Variants in SLC25A43 observed in about 807,000 individuals in gnomAD.
SLC25A43 encodes the protein solute carrier family 25, member 43.
In SLC25A43, 10 loss-of-function variants were observed where a neutral mutation model predicts 22.8. The observed-to-expected ratio is 0.44, with a 90% CI of 0.27 to 0.74. The LOEUF is 0.74. Ranked by LOEUF, SLC25A43 falls within the 30% of genes least tolerant of loss-of-function variation. The pLI is 0.17. For missense variants in SLC25A43, 233 were observed against 279.1 expected, an observed-to-expected ratio of 0.83 and a Z score of 1.18; for synonymous variants, 106 against 121.6, an observed-to-expected ratio of 0.87 and a Z score of 0.84.
chrX:119,417,839 T>C (rs1434135926), intron 3 of SLC25A43, among the ~76,000 whole-genome samples: 1 of 111,342 alleles, frequency 9.0e-6, no homozygotes, highest in Non-Finnish European at 1.9e-5. Flanking sequence ...CATGTAATTA[T>C]GAATAACAAT....
intron 3 of SLC25A43, among the ~76,000 whole-genome samples, chrX:119,427,367 T>G (rs1053455158): frequency 1.8e-5 from 2 of 112,090 alleles, no homozygotes; most frequent in Admixed American, 1.9e-4. Flanking sequence ...GAGCAGCTAG[T>G]CAACCCTCTA....
intron 3 of SLC25A43, among the ~76,000 whole-genome samples, chrX:119,416,126 A>G (rs760089229): frequency 3.7e-5 from 4 of 109,062 alleles, no homozygotes; most frequent in African/African-American, 1.3e-4. Context: ...TCTTTTCTCC[A>G]CTACTTTGTG....
intron 4 of SLC25A43, 121 bp downstream of exon 4, chrX:119,452,264 C>A: frequency 1.2e-6 from 1 of 825,278 alleles, no homozygotes; most frequent in Non-Finnish European, 1.7e-6. Context: ...TAATGGGTAG[C>A]ACAAGGCCCA....
intron 3 of SLC25A43, among the ~76,000 whole-genome samples, chrX:119,412,830 T>G (rs1414738489): frequency 1.8e-5 from 2 of 109,892 alleles, no homozygotes; most frequent in African/African-American, 6.7e-5. Flanking sequence ...TAGTGCATGC[T>G]TATCTTTTTT....
At position 119,411,709 on chromosome X, in the gene SLC25A43, G is replaced by A. The variant is rs199498166; in HGVS notation, c.690+1347G>A. Reference sequence around the variant, plus strand: ...CCCAGAATCCTAGCAGGGCTGAGGTGCTGTATCTTCTCTTAGCCCTGCTCA... The same window carrying A: ...CCCAGAATCCTAGCAGGGCTGAGGTACTGTATCTTCTCTTAGCCCTGCTCA... On this transcript the variant is annotated intron_variant, in intron 3 of 4. Coordinates refer to ENST00000217909, the MANE Select transcript of SLC25A43 (RefSeq NM_145305.3). Among the ~76,000 whole-genome samples the A allele has an allele frequency of 1.9e-4, 21 of 111,083 alleles. No homozygotes were observed. In the East Asian group the frequency reaches 5.1e-3, roughly 27 times the overall value.
chrX:119,412,576 A>G (rs766653594), intron 3 of SLC25A43, among the ~76,000 whole-genome samples: 1 of 111,017 alleles, frequency 9.0e-6, no homozygotes, highest in South Asian at 3.8e-4. Context: ...GTTTCACTAT[A>G]TGTTGACCAG....
chrX:119,434,136 A>G (rs1273889192), intron 3 of SLC25A43, among the ~76,000 whole-genome samples: 1 of 110,664 alleles, frequency 9.0e-6, no homozygotes. Context: ...GAACTTGGTT[A>G]GTGATGGATT....
intron 3 of SLC25A43, among the ~76,000 whole-genome samples, chrX:119,445,634 G>A (rs1424234085): frequency 8.9e-6 from 1 of 111,978 alleles, no homozygotes; most frequent in African/African-American, 3.2e-5. Context: ...ACAGCATCTG[G>A]CCTCTAGGTC....
At chrX:119,432,920 C>G (rs1268611700) in intron 3 of SLC25A43, among the ~76,000 whole-genome samples, 2 of 109,732 alleles carry the variant, frequency 1.8e-5, no homozygotes, top group Non-Finnish European at 3.8e-5. Flanking sequence ...ACCAGCCTGG[C>G]CAAGATGGTG....
chrX:119,424,798 C>T (rs765382995), intron 3 of SLC25A43, among the ~76,000 whole-genome samples: 1 of 113,080 alleles, frequency 8.8e-6, no homozygotes, highest in Non-Finnish European at 1.9e-5. Flanking sequence ...TGATACCTGG[C>T]GAAGGCCAGC....
chrX:119,427,706 T>G (rs2052519889), intron 3 of SLC25A43, among the ~76,000 whole-genome samples: 1 of 112,147 alleles, frequency 8.9e-6, no homozygotes. Flanking sequence ...GTTTGGGAAT[T>G]GGACAGCTTA....
chrX:119,432,162 A>G (rs923119026), intron 3 of SLC25A43, among the ~76,000 whole-genome samples: 5 of 110,680 alleles, frequency 4.5e-5, no homozygotes, highest in Non-Finnish European at 1.9e-5. Context: ...AGAAAGCCCC[A>G]ATTCAAACAG....
chrX:119,441,740 A>G (rs1042118874), intron 3 of SLC25A43, among the ~76,000 whole-genome samples: 27 of 111,446 alleles, frequency 2.4e-4, no homozygotes, highest in African/African-American at 8.5e-4. Flanking sequence ...TCTAAGTGTG[A>G]TGTAAAGTCA....
At position 119,426,117 on chromosome X, in the gene SLC25A43, G is replaced by C. The variant is rs1014722303; in HGVS notation, c.690+15755G>C. 1.6e-5 allele frequency: 8 copies of C among 501,918 alleles called. No homozygotes were observed. In the African/African-American group the frequency reaches 2.1e-4, roughly 13 times the overall value. The allele number at this position is 501,918 out of a possible 1,213,427, so 41.4% of individuals were successfully genotyped here. On this transcript the variant is annotated intron_variant, in intron 3 of 4. Transcript: ENST00000217909. ...CCAGGAAAGGTCTGCTGTCAAGAGG[G>C]AGGACCCGCAGCTGGCTGGGAGCAT...
At chrX:119,449,428 AAG>A (rs1491042306) in intron 3 of SLC25A43, among the ~76,000 whole-genome samples, 3 of 104,424 alleles carry the variant, frequency 2.9e-5, no homozygotes, top group Non-Finnish European at 5.9e-5. Flanking sequence ...AAAAAAAAAA[AAG>A]AAGAAGAATG....
At chrX:119,417,119 C>G (rs763683781) in intron 3 of SLC25A43, among the ~76,000 whole-genome samples, 25 of 110,606 alleles carry the variant, frequency 2.3e-4, no homozygotes, top group Non-Finnish European at 4.0e-4. Context: ...AGGGCTAGTC[C>G]GTGAAAAAGG....
chrX:119,410,112 A>C, intron 2 of SLC25A43, 78 bp from the exon 3 acceptor site: 2 of 1,087,983 alleles, frequency 1.8e-6, no homozygotes, highest in South Asian at 4.1e-5. Flanking sequence ...CTTTCCCCGG[A>C]ATCCCCCCAG....
intron 3 of SLC25A43, among the ~76,000 whole-genome samples, chrX:119,434,234 C>A (rs1441495736): frequency 9.1e-6 from 1 of 110,164 alleles, no homozygotes; most frequent in Non-Finnish European, 1.9e-5. Context: ...GTGCCATTTG[C>A]TGACATGAGG....
chrX:119,430,858 G>A (rs2052546571), intron 3 of SLC25A43, among the ~76,000 whole-genome samples: 1 of 112,018 alleles, frequency 8.9e-6, no homozygotes, highest in Non-Finnish European at 1.9e-5. Flanking sequence ...CCACTTAGTA[G>A]GACACTTGTA....
Sources: gnomAD v4.1 joint callset for allele counts (sites outside exome capture counted in the v4.1 genomes callset) on GRCh38, gnomAD v4.1.1 for gene constraint, MANE v1.5 for transcripts, NCBI Gene and HGNC (gene_info 2026-07-23, HGNC 2026-07-21) for gene names.